The following WDFY2 variants were observed in gnomAD, a reference collection of about 807,000 sequenced individuals.
WDFY2 encodes the protein WD repeat and FYVE domain containing 2.
WDFY2 carries 36 observed loss-of-function variants against 56.4 expected under a neutral mutation model. The ratio of observed to expected loss-of-function variants is 0.64; its 90% confidence interval spans 0.49 to 0.84. The LOEUF (loss-of-function observed/expected upper bound fraction) is 0.84. Ranked by LOEUF, WDFY2 falls within the 40% of genes least tolerant of loss-of-function variation. WDFY2 has a pLI of 0.00. For missense variants in WDFY2, 444 were observed against 512.2 expected (o/e 0.87, Z 1.29); for synonymous variants, 176 against 183.7 (o/e 0.96, Z 0.34).
intron 1 of WDFY2, among the ~76,000 whole-genome samples, chr13:51,622,506 T>C (rs1439360285): frequency 1.3e-5 from 2 of 152,200 alleles, no homozygotes; most frequent in Non-Finnish European, 2.9e-5. Flanking sequence ...TTTCTCTAAT[T>C]GCATTAACCA....
chr13:51,647,011 C>T (rs1955274778), intron 1 of WDFY2, among the ~76,000 whole-genome samples: 1 of 152,110 alleles, frequency 6.6e-6, no homozygotes, highest in Non-Finnish European at 1.5e-5. Context: ...ATTTCCTGAA[C>T]AATACAGTAT....
chr13:51,641,783 G>A (rs566648917), intron 1 of WDFY2, among the ~76,000 whole-genome samples: 1,260 of 113,182 alleles, frequency 0.011, 14 homozygotes, highest in African/African-American at 0.04. Flanking sequence ...CCGAGATCCC[G>A]CCACTGCACT....
intron 1 of WDFY2, among the ~76,000 whole-genome samples, chr13:51,622,832 G>A (rs532868734): frequency 6.6e-6 from 1 of 150,386 alleles, no homozygotes; most frequent in Non-Finnish European, 1.5e-5. Context: ...CTTTAAAAGT[G>A]AAGGTATGCT....
At chr13:51,752,628 A>AT (rs534448044) in intron 8 of WDFY2, among the ~76,000 whole-genome samples, 168 of 152,324 alleles carry the variant, frequency 1.1e-3, no homozygotes, top group African/African-American at 4.0e-3. Flanking sequence ...CCAAAGGAAG[A>AT]TAACAGTGTG....
intron 5 of WDFY2, among the ~76,000 whole-genome samples, chr13:51,720,942 TTCTC>T (rs71749521): frequency 0.17 from 25,494 of 147,688 alleles, 2,371 homozygotes; most frequent in South Asian, 0.25. Context: ...TCATTCTGTC[TTCTC>T]TCTCTCTCTC....
chr13:51,690,262 G>C (rs978634545), intron 3 of WDFY2, among the ~76,000 whole-genome samples: 1 of 151,056 alleles, frequency 6.6e-6, no homozygotes, highest in Non-Finnish European at 1.5e-5. Flanking sequence ...AGTTACATAT[G>C]TATACATGTG....
At chr13:51,753,636 T>G (rs566720159) in intron 8 of WDFY2, among the ~76,000 whole-genome samples, 1 of 152,266 alleles carries the variant, frequency 6.6e-6, no homozygotes, top group South Asian at 2.1e-4. Context: ...ATCACAAACA[T>G]GCTGATTTAT....
At chr13:51,634,319 G>A (rs1955006882) in intron 1 of WDFY2, among the ~76,000 whole-genome samples, 1 of 151,490 alleles carries the variant, frequency 6.6e-6, no homozygotes, top group Non-Finnish European at 1.5e-5. Context: ...GTTCTGTGAG[G>A]GCCAGGAACC....
intron 7 of WDFY2, among the ~76,000 whole-genome samples, chr13:51,748,221 T>C (rs938478216): frequency 3.3e-5 from 5 of 152,238 alleles, no homozygotes; most frequent in African/African-American, 7.2e-5. Context: ...CTTCTCAAGT[T>C]AGCCAACCGT....
rs1954686910 is a variant in WDFY2 at position 51,619,520 on chromosome 13, A to C, written c.137+34696A>C. The stretch of plus-strand genomic sequence containing the variant: ...TATTTAAATTTAGATAATGAAAACT[A>C]GGACTTTCAGATACAACTGGGGACT... On this transcript the variant is annotated intron_variant, in intron 1 of 11. Coordinates refer to ENST00000298125, the MANE Select transcript of WDFY2 (RefSeq NM_052950.4). Among the ~76,000 whole-genome samples, 3 of 152,330 alleles carry C rather than the reference A, an allele frequency of 2.0e-5. No individual in the cohort carries two copies. In the South Asian group the frequency reaches 6.2e-4, roughly 32 times the overall value.
intron 1 of WDFY2, among the ~76,000 whole-genome samples, chr13:51,585,080 G>A (rs1285536243): frequency 1.3e-5 from 2 of 152,246 alleles, no homozygotes; most frequent in Non-Finnish European, 2.9e-5. Flanking sequence ...GAGCCGGGTG[G>A]CCCTCGGGCT....
At chr13:51,756,639 G>A (rs1447437635) in intron 10 of WDFY2, 177 bp downstream of exon 10, 1 of 985,244 alleles carries the variant, frequency 1.0e-6, no homozygotes, top group Non-Finnish European at 1.2e-6. Flanking sequence ...TATCCTGTGA[G>A]ATGAGAGAAG....
At chr13:51,633,466 GT>G (rs1480010182) in intron 1 of WDFY2, among the ~76,000 whole-genome samples, 1 of 152,220 alleles carries the variant, frequency 6.6e-6, no homozygotes, top group Non-Finnish European at 1.5e-5. Context: ...AAGGCACTTA[GT>G]AGGGTATCTG....
At chr13:51,695,218 C>T (rs1170521150) in intron 3 of WDFY2, among the ~76,000 whole-genome samples, 2 of 152,232 alleles carry the variant, frequency 1.3e-5, no homozygotes, top group Non-Finnish European at 2.9e-5. Context: ...TGTTCCGTTG[C>T]TGGTGAGGAG....
At chr13:51,637,499 C>T (rs997751596) in intron 1 of WDFY2, among the ~76,000 whole-genome samples, 2 of 151,596 alleles carry the variant, frequency 1.3e-5, no homozygotes, top group South Asian at 4.2e-4. Context: ...CCTATGAAAT[C>T]CAAATGTTTG....
chr13:51,739,800 C>T (rs1369895798), intron 7 of WDFY2, among the ~76,000 whole-genome samples: 3 of 152,164 alleles, frequency 2.0e-5, no homozygotes, highest in Non-Finnish European at 2.9e-5. Flanking sequence ...TTCTGGTTGC[C>T]GTCCAGAGCG....
intron 2 of WDFY2, among the ~76,000 whole-genome samples, chr13:51,661,845 A>C (rs1033262543): frequency 3.9e-5 from 6 of 152,326 alleles, no homozygotes; most frequent in African/African-American, 1.4e-4. Context: ...TGCTTCTAGA[A>C]GATACTGTCG....
chr13:51,765,395 A>G lies in WDFY2; in HGVS notation c.*5626A>G, dbSNP rs1953715796. 1 of 152,148 alleles carries G rather than the reference A, an allele frequency of 6.6e-6. No individual in the cohort carries two copies. Among genetic ancestry groups the G allele is most frequent in the South Asian group, 2.1e-4 (1 of 4,806 alleles). 9.4% of individuals were successfully genotyped at this position (152,148 alleles called of 1,614,324 possible). On this transcript the variant is annotated 3_prime_UTR_variant, in exon 12 of 12. Coordinates refer to ENST00000298125, the MANE Select transcript of WDFY2 (RefSeq NM_052950.4). ...CATGAAAGCAGTGTCTAAAAATTAG[A>G]TCGGTCCTAAATTGGAATGGGATGT...
Position 51,767,124 on chromosome 13 carries a change from T to C in WDFY2, c.*7355T>C, listed in dbSNP as rs534523728. ...CAGGGAAAGCCTCATTTAAAACTTG[T>C]GAGGTTCATTTTATGGAGAAGAAAA... On this transcript the variant is annotated 3_prime_UTR_variant, in exon 12 of 12. Transcript: ENST00000298125. 3.3e-5 allele frequency: 5 copies of C among 152,376 alleles called. No homozygotes were observed. Among genetic ancestry groups the C allele is most frequent in the Admixed American group, 6.5e-5 (1 of 15,306 alleles). 9.4% of individuals were successfully genotyped at this position (152,376 alleles called of 1,614,324 possible). A position where few individuals can be genotyped will look rare whatever the true frequency, so the allele number is the denominator to read the frequency against.
Sources: gnomAD v4.1 joint callset for allele counts (sites outside exome capture counted in the v4.1 genomes callset) on GRCh38, gnomAD v4.1.1 for gene constraint, MANE v1.5 for transcripts, NCBI Gene and HGNC (gene_info 2026-07-23, HGNC 2026-07-21) for gene names.